The following LRMDA variants were observed in gnomAD, a reference collection of about 807,000 sequenced individuals.
LRMDA encodes the protein leucine rich melanocyte differentiation associated.
LRMDA carries 18 observed loss-of-function variants against 29.8 expected under a neutral mutation model. The observed-to-expected ratio is 0.60, with a 90% CI of 0.42 to 0.90. The LOEUF is 0.90. Among genes scored for constraint, LRMDA ranks in the 40% least tolerant of loss-of-function variants. The pLI is 0.00. For missense variants in LRMDA, 273 were observed against 273.9 expected (o/e 1.00, Z 0.02); for synonymous variants, 125 against 109.4 (o/e 1.14, Z -0.89).
intron 6 of LRMDA, among the ~76,000 whole-genome samples, chr10:76,429,671 TG>T (rs1842170585): frequency 6.6e-6 from 1 of 152,172 alleles, no homozygotes; most frequent in South Asian, 2.1e-4. Context: ...CATCCCCAAA[TG>T]GGAGCACATC....
chr10:75,989,392 G>A (rs1847319297), intron 2 of LRMDA, among the ~76,000 whole-genome samples: 3 of 152,202 alleles, frequency 2.0e-5, no homozygotes, highest in African/African-American at 7.2e-5. Flanking sequence ...GGCTGGAGGA[G>A]GAGGGAGAGA....
chr10:76,232,691 G>A (rs895199605), intron 5 of LRMDA, among the ~76,000 whole-genome samples: 4 of 152,190 alleles, frequency 2.6e-5, no homozygotes, highest in African/African-American at 9.6e-5. Context: ...TGGTTCCCGA[G>A]TTCTTGTCTT....
At chr10:76,306,376 G>A (rs1256443213) in intron 5 of LRMDA, among the ~76,000 whole-genome samples, 4 of 152,344 alleles carry the variant, frequency 2.6e-5, no homozygotes, top group South Asian at 2.1e-4. Context: ...AGTGGGTGCT[G>A]TTGAATTGCT....
chr10:75,533,476 T>G (rs967215663), intron 2 of LRMDA, among the ~76,000 whole-genome samples: 2 of 152,236 alleles, frequency 1.3e-5, no homozygotes, highest in African/African-American at 4.8e-5. Flanking sequence ...TTGAGTTATT[T>G]ATAAATGAGT....
chr10:76,353,883 A>G (rs1037521993), intron 6 of LRMDA, among the ~76,000 whole-genome samples: 1 of 152,150 alleles, frequency 6.6e-6, no homozygotes, highest in Non-Finnish European at 1.5e-5. Flanking sequence ...GCAGATCCTC[A>G]GTTTTAACAT....
rs747722871 is a variant in LRMDA, at chr10:76,007,232, C to T, written c.132-28776C>T. ...CATTATGCGTGGTTTTTCATTCACC[C>T]GCCTCCTTGTCACCCTTCCCTTGGC... On this transcript the variant is annotated intron_variant, in intron 2 of 6. Transcript: ENST00000611255. Among the ~76,000 whole-genome samples the T allele has an allele frequency of 8.5e-5, 13 of 152,070 alleles. No individual in the cohort carries two copies. The East Asian group carries it at 1.4e-3, about 16-fold the overall frequency.
chr10:76,082,874 C>T (rs978869696), intron 5 of LRMDA, among the ~76,000 whole-genome samples: 10 of 152,194 alleles, frequency 6.6e-5, no homozygotes, highest in East Asian at 3.9e-4. Context: ...TAAGGAAGTT[C>T]GTAGGAGGAT....
At chr10:76,461,467 A>C (rs1449179506) in intron 6 of LRMDA, among the ~76,000 whole-genome samples, 1 of 152,216 alleles carries the variant, frequency 6.6e-6, no homozygotes, top group African/African-American at 2.4e-5. Flanking sequence ...TGCTTCCAGA[A>C]TGATTCCCAT....
At chr10:75,705,782 G>C (rs1344347910) in intron 2 of LRMDA, among the ~76,000 whole-genome samples, 1 of 152,212 alleles carries the variant, frequency 6.6e-6, no homozygotes, top group Admixed American at 6.5e-5. Flanking sequence ...TGTCTTGAAA[G>C]CCAAGAAGCA....
At chr10:76,292,149 C>T (rs536983919) in intron 5 of LRMDA, among the ~76,000 whole-genome samples, 17 of 152,260 alleles carry the variant, frequency 1.1e-4, no homozygotes, top group African/African-American at 3.9e-4. Flanking sequence ...TGCCCAGAGG[C>T]CTGCATTAAA....
chr10:76,061,506 C>T (rs188353208), intron 5 of LRMDA, among the ~76,000 whole-genome samples: 1 of 152,160 alleles, frequency 6.6e-6, no homozygotes, highest in African/African-American at 2.4e-5. Flanking sequence ...GCATATTTAC[C>T]CCCAAACCTA....
chr10:75,893,879 G>A (rs1312136221), intron 2 of LRMDA, among the ~76,000 whole-genome samples: 1 of 146,534 alleles, frequency 6.8e-6, no homozygotes, highest in Non-Finnish European at 1.5e-5. Context: ...GTGGCAGTCA[G>A]CCGAGATCAC....
chr10:75,840,544 A>G (rs539011650), intron 2 of LRMDA, among the ~76,000 whole-genome samples: 1 of 152,202 alleles, frequency 6.6e-6, no homozygotes, highest in Non-Finnish European at 1.5e-5. Flanking sequence ...GTGAAGCTGT[A>G]TCTGTTTTCA....
chr10:75,687,258 T>G (rs75824867), intron 2 of LRMDA, among the ~76,000 whole-genome samples: 1 of 152,356 alleles, frequency 6.6e-6, no homozygotes, highest in Admixed American at 6.5e-5. Flanking sequence ...CAGCCTCTCA[T>G]GCCAACTGGT....
chr10:75,745,162 GA>G (rs1297796137), intron 2 of LRMDA, among the ~76,000 whole-genome samples: 10 of 152,170 alleles, frequency 6.6e-5, no homozygotes, highest in Non-Finnish European at 1.3e-4. Context: ...TTTTATAGGT[GA>G]AAAAGGTCAA....
intron 2 of LRMDA, among the ~76,000 whole-genome samples, chr10:75,770,091 G>T (rs1455375126): frequency 6.6e-6 from 1 of 152,100 alleles, no homozygotes. Flanking sequence ...GGGAGTTTGA[G>T]ACCAGCCTGG....
At chr10:76,117,169 T>C (rs1475579528) in intron 5 of LRMDA, among the ~76,000 whole-genome samples, 1 of 152,148 alleles carries the variant, frequency 6.6e-6, no homozygotes, top group Non-Finnish European at 1.5e-5. Flanking sequence ...GAGTTGCAAC[T>C]GTGGACTTAA....
intron 2 of LRMDA, among the ~76,000 whole-genome samples, chr10:75,911,469 G>A (rs895587910): frequency 6.6e-6 from 1 of 152,164 alleles, no homozygotes; most frequent in South Asian, 2.1e-4. Flanking sequence ...GAATCTTGTA[G>A]TGTTCCTGGG....
chr10:76,128,692 A>G (rs191839923), intron 5 of LRMDA, among the ~76,000 whole-genome samples: 133 of 152,312 alleles, frequency 8.7e-4, no homozygotes, highest in African/African-American at 3.2e-3. Flanking sequence ...AGATGCCCAA[A>G]GACTCTAGAC....
Sources: gnomAD v4.1 joint callset for allele counts (sites outside exome capture counted in the v4.1 genomes callset) on GRCh38, gnomAD v4.1.1 for gene constraint, MANE v1.5 for transcripts, NCBI Gene and HGNC (gene_info 2026-07-23, HGNC 2026-07-21) for gene names.